SNX29: variants seen among roughly 807,000 people sequenced by gnomAD.
The protein encoded by SNX29 is sorting nexin 29.
In SNX29, 78 loss-of-function variants were observed where a neutral mutation model predicts 102.1. The ratio of observed to expected loss-of-function variants is 0.76; its 90% CI spans 0.64 to 0.92. The LOEUF is 0.92. SNX29 is among the 40% of genes least tolerant of loss of function. The probability of loss-of-function intolerance (pLI) is 0.00; values close to 1 mark genes in which losing one functional copy is unlikely to be tolerated. For synonymous variants in SNX29, 580 were observed against 414.5 expected, an observed-to-expected ratio of 1.40 and a Z score of -4.85; for missense variants, 1,280 against 1,061.7, an observed-to-expected ratio of 1.21 and a Z score of -2.86.
intron 16 of SNX29, among the ~76,000 whole-genome samples, chr16:12,371,596 C>T (rs2082684958): frequency 6.6e-6 from 1 of 152,220 alleles, no homozygotes; most frequent in Non-Finnish European, 1.5e-5. Context: ...TGAGCCACTG[C>T]ACCCAGCCAG....
At chr16:12,299,554 T>C (rs2080094311) in intron 15 of SNX29, among the ~76,000 whole-genome samples, 1 of 152,118 alleles carries the variant, frequency 6.6e-6, no homozygotes, top group Non-Finnish European at 1.5e-5. Context: ...GGGCCCTGGC[T>C]CTTTGACTGG....
chr16:12,466,320 C>T (rs2087050081), intron 18 of SNX29, among the ~76,000 whole-genome samples: 1 of 152,186 alleles, frequency 6.6e-6, no homozygotes. Flanking sequence ...TTGTCAGATA[C>T]AAAGTCAGCA....
chr16:12,486,484 C>T lies in SNX29; in HGVS notation c.2178+8625C>T, dbSNP rs143826597. On this transcript the variant is annotated intron_variant, in intron 19 of 20. Transcript: ENST00000566228. ...CAACTCTTACTGTTAGCCCACTTTA[C>T]AAATGGGGCAGCAGAGGTACAGGGA... 1.8e-3 allele frequency among the ~76,000 whole-genome samples: 268 copies of T among 152,360 alleles called. 2 individuals carry two copies. Among genetic ancestry groups the T allele is most frequent in the African/African-American group, 6.2e-3 (259 of 41,588 alleles).
chr16:12,314,839 G>C (rs2080679337), intron 15 of SNX29, among the ~76,000 whole-genome samples: 2 of 152,326 alleles, frequency 1.3e-5, no homozygotes, highest in South Asian at 2.1e-4. Flanking sequence ...CCTTGCCCTT[G>C]ATAGATTTTG....
intron 15 of SNX29, among the ~76,000 whole-genome samples, chr16:12,291,572 C>T (rs1311063178): frequency 1.3e-5 from 2 of 152,170 alleles, no homozygotes; most frequent in African/African-American, 4.8e-5. Flanking sequence ...CTGTGATCAC[C>T]CCTGGGCACA....
chr16:12,571,019 G>A lies in SNX29; in HGVS notation c.*2390G>A, dbSNP rs144378107. 8.6e-6 allele frequency: 2 copies of A among 232,622 alleles called. No individual in the cohort carries two copies. Among genetic ancestry groups the A allele is most frequent in the Non-Finnish European group, 1.7e-5 (2 of 117,650 alleles). 14.4% of individuals were successfully genotyped at this position (232,622 alleles called of 1,614,324 possible). A position where few individuals can be genotyped will look rare whatever the true frequency, so the allele number is the denominator to read the frequency against. Reference sequence around the variant, plus strand: ...ACAGACCGTAGAGTCGAGTCATCTCGCAGATCCAGACCATCTCCTCTCATT... The same window carrying A: ...ACAGACCGTAGAGTCGAGTCATCTCACAGATCCAGACCATCTCCTCTCATT... On this transcript the variant is annotated 3_prime_UTR_variant, in exon 21 of 21. Transcript: ENST00000566228.
At chr16:12,360,849 T>A (rs2082280650) in intron 16 of SNX29, among the ~76,000 whole-genome samples, 1 of 152,186 alleles carries the variant, frequency 6.6e-6, no homozygotes, top group Admixed American at 6.5e-5. Flanking sequence ...ATCATCTCCA[T>A]TTTACAGGTT....
rs2079174601 is a variant in SNX29, at chr16:12,570,936, G to T, written c.*2307G>T. On this transcript the variant is annotated 3_prime_UTR_variant, in exon 21 of 21. Transcript: ENST00000566228. Reference sequence around the variant, plus strand: ...CTCCAAAATGAGAGCATGTTCCTGGGAGCCACATGGGGACCATCCCCAGCT... The same window carrying T: ...CTCCAAAATGAGAGCATGTTCCTGGTAGCCACATGGGGACCATCCCCAGCT... 4.3e-6 allele frequency: 1 copy of T among 231,748 alleles called. No individual in the cohort carries two copies. The highest frequency in any genetic ancestry group is 1.3e-3 in the Middle Eastern group (1 of 784). The allele number at this position is 231,748 out of a possible 1,614,324, so 14.4% of individuals were successfully genotyped here.
intron 14 of SNX29, among the ~76,000 whole-genome samples, chr16:12,216,668 G>A (rs1195737142): frequency 1.3e-5 from 2 of 152,172 alleles, no homozygotes; most frequent in African/African-American, 2.4e-5. Context: ...TCTGCCCTTT[G>A]CTAGCAGTGT....
At chr16:12,269,742 G>C (rs542712178) in intron 14 of SNX29, among the ~76,000 whole-genome samples, 2 of 152,256 alleles carry the variant, frequency 1.3e-5, no homozygotes, top group South Asian at 4.1e-4. Flanking sequence ...GTCAGTGTGA[G>C]CTATCATCGA....
In SNX29 at chr16:12,238,303, C is replaced by CT. The variant is rs5815674; in HGVS notation, c.1678+38636dup. Among the ~76,000 whole-genome samples, 827 of 137,752 alleles carry CT rather than the reference C, an allele frequency of 6.0e-3. 3 individuals carry two copies. Among genetic ancestry groups the CT allele is most frequent in the Non-Finnish European group, 8.0e-3 (506 of 63,198 alleles). 90.4% of individuals were successfully genotyped at this position (137,752 alleles called of 152,430 possible). A position where few individuals can be genotyped will look rare whatever the true frequency, so the allele number is the denominator to read the frequency against. On this transcript the variant is annotated intron_variant, in intron 14 of 20. Coordinates refer to ENST00000566228, the MANE Select transcript of SNX29 (RefSeq NM_032167.5). ...TCCATGGCAGCCTTTTGGATGGGCA[C>CT]TTTTTTTTTTTTTTTTGAGACGGAG...
intron 18 of SNX29, among the ~76,000 whole-genome samples, chr16:12,462,716 C>G (rs1597465352): frequency 6.6e-6 from 1 of 152,162 alleles, no homozygotes; most frequent in South Asian, 2.1e-4. Flanking sequence ...TCCCCCAAAC[C>G]CAGGAAGACT....
At chr16:12,032,025 C>T (rs1283691801) in intron 4 of SNX29, among the ~76,000 whole-genome samples, 1 of 152,114 alleles carries the variant, frequency 6.6e-6, no homozygotes, top group Non-Finnish European at 1.5e-5. Flanking sequence ...CCCTCCACAC[C>T]CCTGTCCCTG....
intron 14 of SNX29, among the ~76,000 whole-genome samples, chr16:12,217,300 G>T (rs946207175): frequency 1.3e-5 from 2 of 152,198 alleles, no homozygotes; most frequent in Non-Finnish European, 2.9e-5. Context: ...GATTATAGGC[G>T]TGAGCCACCA....
At chr16:11,982,423 G>GTTTTTTTTTTTT (rs60761477) in intron 1 of SNX29, among the ~76,000 whole-genome samples, 22 of 120,354 alleles carry the variant, frequency 1.8e-4, no homozygotes, top group Non-Finnish European at 2.2e-4. Flanking sequence ...CTTTCCATCA[G>GTTTTTTTTTTTT]TTTTTTTTTT....
At chr16:12,544,130 C>T (rs991247253) in intron 20 of SNX29, among the ~76,000 whole-genome samples, 2 of 152,176 alleles carry the variant, frequency 1.3e-5, no homozygotes, top group East Asian at 1.9e-4. Flanking sequence ...AAGTCCATAA[C>T]CCTATATTCA....
At chr16:12,189,840 C>G (rs769228058) in intron 13 of SNX29, among the ~76,000 whole-genome samples, 1 of 152,036 alleles carries the variant, frequency 6.6e-6, no homozygotes, top group African/African-American at 2.4e-5. Flanking sequence ...TCCGTCCCAT[C>G]CATCCCATTT....
intron 6 of SNX29, among the ~76,000 whole-genome samples, chr16:12,046,765 G>A (rs571289028): frequency 6.6e-6 from 1 of 152,182 alleles, no homozygotes; most frequent in African/African-American, 2.4e-5. Flanking sequence ...GATTACGGGC[G>A]CCTGCCACCA....
At chr16:12,145,408 A>C (rs1196753604) in intron 13 of SNX29, among the ~76,000 whole-genome samples, 1 of 152,194 alleles carries the variant, frequency 6.6e-6, no homozygotes, top group African/African-American at 2.4e-5. Flanking sequence ...GTAGATTTCA[A>C]ATTATGTTTA....
Sources: gnomAD v4.1 joint callset for allele counts (sites outside exome capture counted in the v4.1 genomes callset) on GRCh38, gnomAD v4.1.1 for gene constraint, MANE v1.5 for transcripts, NCBI Gene and HGNC (gene_info 2026-07-23, HGNC 2026-07-21) for gene names.